TYW1B: variants seen among roughly 807,000 people sequenced by gnomAD.
TYW1B encodes tRNA-yW synthesizing protein 1 homolog B, also known as S-adenosyl-L-methionine-dependent tRNA 4-demethylwyosine synthase TYW1B.
A neutral mutation model predicts 86.9 loss-of-function variants in TYW1B; 73 were observed. That is an observed-to-expected ratio of 0.84 (90% confidence interval 0.70 to 1.02). TYW1B has a LOEUF of 1.02. Among genes scored for constraint, TYW1B ranks in the 50% least tolerant of loss-of-function variants. The probability of loss-of-function intolerance (pLI) is 0.00; values close to 1 mark genes in which losing one functional copy is unlikely to be tolerated. For synonymous variants in TYW1B, 248 were observed against 292.8 expected (o/e 0.85, Z 1.56); for missense variants, 637 against 827.4 (o/e 0.77, Z 2.82).
At chr7:72,661,157 G>T (rs1813319267) in intron 11 of TYW1B, among the ~76,000 whole-genome samples, 1 of 144,656 alleles carries the variant, frequency 6.9e-6, no homozygotes, top group South Asian at 2.2e-4. Flanking sequence ...AGAAGAAGAA[G>T]AAGAATATAA....
chr7:72,711,587 A>C (rs1322765208), intron 10 of TYW1B, among the ~76,000 whole-genome samples: 2 of 135,320 alleles, frequency 1.5e-5, no homozygotes, highest in Admixed American at 1.7e-4. Context: ...CTCCTGCCTC[A>C]GCCTCCCGAC....
chr7:72,790,268 G>GTC lies in TYW1B; in HGVS notation c.846+12131_846+12132insGA, dbSNP rs1788198250. On this transcript the variant is annotated intron_variant, in intron 6 of 13. Coordinates refer to ENST00000620995, the MANE Select transcript of TYW1B (RefSeq NM_001145440.3). ...GCCAGGAGTATCTTTGTTACTCATG[G>GTC]TGAGCCCTTCAGACTACATCTGATG... Among the ~76,000 whole-genome samples the GTC allele has an allele frequency of 2.6e-5, 4 of 152,072 alleles. No homozygotes were observed. In the South Asian group the frequency reaches 8.3e-4, roughly 32 times the overall value.
Position 72,575,824 on chromosome 7 carries a change from C to T in TYW1B, c.1786-105G>A, listed in dbSNP as rs114341787. ...CAAGTCTGATCTTTTCTCCCTATCA[C>T]GCCAAGAAAACAAAAACAAAAACAA... On this transcript the variant is annotated intron_variant, in intron 13 of 13. Coordinates refer to ENST00000620995, the MANE Select transcript of TYW1B (RefSeq NM_001145440.3). 2.9e-3 allele frequency: 4,352 copies of T among 1,509,674 alleles called. 74 individuals carry two copies. In the African/African-American group the frequency reaches 0.042, roughly 15 times the overall value. The allele number at this position is 1,509,674 out of a possible 1,614,324, so 93.5% of individuals were successfully genotyped here.
At chr7:72,751,125 C>A (rs1485205060) in intron 7 of TYW1B, among the ~76,000 whole-genome samples, 1 of 151,724 alleles carries the variant, frequency 6.6e-6, no homozygotes, top group East Asian at 1.9e-4. Flanking sequence ...GCAACCTCCA[C>A]CTCCTGGGTT....
At chr7:72,670,032 G>A (rs1554446065) in intron 11 of TYW1B, among the ~76,000 whole-genome samples, 4 of 152,144 alleles carry the variant, frequency 2.6e-5, no homozygotes, top group African/African-American at 9.7e-5. Flanking sequence ...TCCGGCAGCT[G>A]AGGTGGGAGG....
intron 13 of TYW1B, among the ~76,000 whole-genome samples, chr7:72,587,222 C>A (rs7791465): frequency 0.22 from 33,997 of 151,886 alleles, 4,465 homozygotes; most frequent in African/African-American, 0.37. Flanking sequence ...TTTTGGAATA[C>A]TGAGGGGTGA....
At chr7:72,750,794 G>A (rs1223600669) in intron 7 of TYW1B, among the ~76,000 whole-genome samples, 3 of 151,970 alleles carry the variant, frequency 2.0e-5, no homozygotes, top group Admixed American at 6.6e-5. Flanking sequence ...TCAGATATTC[G>A]AATATTTGCA....
At chr7:72,701,059 A>G (rs1554452448) in intron 10 of TYW1B, among the ~76,000 whole-genome samples, 1 of 151,248 alleles carries the variant, frequency 6.6e-6, no homozygotes, top group African/African-American at 2.4e-5. Flanking sequence ...GCAAGATTCC[A>G]TCTCAGAAAA....
chr7:72,806,639 T>G (rs1554476733), intron 5 of TYW1B, among the ~76,000 whole-genome samples: 1 of 151,814 alleles, frequency 6.6e-6, no homozygotes, highest in Non-Finnish European at 1.5e-5. Flanking sequence ...TCTTCCTTCT[T>G]TTTTTGTTAT....
chr7:72,719,515 T>C (rs1300507770), intron 9 of TYW1B, among the ~76,000 whole-genome samples: 1 of 149,990 alleles, frequency 6.7e-6, no homozygotes, highest in African/African-American at 2.5e-5. Flanking sequence ...CCTGTAATCC[T>C]AGCTATTCGG....
intron 12 of TYW1B, among the ~76,000 whole-genome samples, chr7:72,619,841 T>C (rs1812172781): frequency 6.6e-6 from 1 of 152,210 alleles, no homozygotes; most frequent in African/African-American, 2.4e-5. Context: ...TTCAAAGGAC[T>C]TTCTTTTTAA....
intron 9 of TYW1B, among the ~76,000 whole-genome samples, chr7:72,724,874 G>A (rs1554458386): frequency 6.6e-6 from 1 of 152,152 alleles, no homozygotes; most frequent in African/African-American, 2.4e-5. Flanking sequence ...GCATTCTAAT[G>A]CCTACTCAGG....
At chr7:72,774,078 A>C (rs544870693) in intron 7 of TYW1B, among the ~76,000 whole-genome samples, 1 of 151,210 alleles carries the variant, frequency 6.6e-6, no homozygotes, top group Non-Finnish European at 1.5e-5. Flanking sequence ...AAAAAAAAAA[A>C]AAAGAAACAA....
intron 11 of TYW1B, among the ~76,000 whole-genome samples, chr7:72,632,388 G>GTATATATATATATACA (rs565541864): frequency 1.4e-5 from 1 of 70,328 alleles, no homozygotes; most frequent in Admixed American, 2.0e-4. Flanking sequence ...ATATATATAC[G>GTATATATATATATACA]TATATATATA....
chr7:72,635,359 G>A (rs569813521), intron 11 of TYW1B, among the ~76,000 whole-genome samples: 1 of 152,202 alleles, frequency 6.6e-6, no homozygotes, highest in South Asian at 2.1e-4. Flanking sequence ...CAATAGAGAC[G>A]GTTCTCAACC....
At chr7:72,667,048 A>AAAAAAAAAAAAAAG (rs60588106) in intron 11 of TYW1B, among the ~76,000 whole-genome samples, 25 of 131,444 alleles carry the variant, frequency 1.9e-4, no homozygotes, top group African/African-American at 3.4e-4. Flanking sequence ...AAAAAAAAAA[A>AAAAAAAAAAAAAAG]AAAGAAACTA....
intron 13 of TYW1B, among the ~76,000 whole-genome samples, chr7:72,609,313 C>T (rs1184571923): frequency 6.6e-6 from 1 of 152,064 alleles, no homozygotes; most frequent in Non-Finnish European, 1.5e-5. Flanking sequence ...AATCCCAGCA[C>T]TTTGGGAGGC....
At chr7:72,679,080 A>G (rs1813808365) in intron 11 of TYW1B, among the ~76,000 whole-genome samples, 1 of 152,152 alleles carries the variant, frequency 6.6e-6, no homozygotes, top group Non-Finnish European at 1.5e-5. Context: ...CAGTCTGCCA[A>G]TAGAGCAAGA....
At chr7:72,819,330 G>A (rs1280289484) in intron 2 of TYW1B, among the ~76,000 whole-genome samples, 1 of 152,192 alleles carries the variant, frequency 6.6e-6, no homozygotes, top group Non-Finnish European at 1.5e-5. Flanking sequence ...TGAGGTTGCT[G>A]AGTTGAGAGT....
Sources: allele counts gnomAD v4.1 joint callset (sites outside exome capture counted in the v4.1 genomes callset), GRCh38; gene constraint gnomAD v4.1.1; transcripts MANE v1.5; gene names NCBI Gene and HGNC (gene_info 2026-07-23, HGNC 2026-07-21).